Variants in CDKL1 observed in about 807,000 individuals in gnomAD.
CDKL1 encodes cyclin dependent kinase like 1, also known as cyclin-dependent kinase-like 1.
CDKL1 carries 41 observed loss-of-function variants against 42.0 expected under a neutral mutation model. The observed-to-expected ratio is 0.98, with a 90% CI of 0.76 to 1.27. The LOEUF (loss-of-function observed/expected upper bound fraction) is 1.27, where lower values mean the gene tolerates loss of function less well. Among genes scored for constraint, CDKL1 ranks in the 50% most tolerant of loss-of-function variants. CDKL1 has a pLI of 0.00. For synonymous variants in CDKL1, 153 were observed against 158.6 expected, an observed-to-expected ratio of 0.96 and a Z score of 0.26; for missense variants, 394 against 428.4, an observed-to-expected ratio of 0.92 and a Z score of 0.71.
chr14:50,387,385 T>C (rs1317113595), intron 2 of CDKL1, among the ~76,000 whole-genome samples: 1 of 151,844 alleles, frequency 6.6e-6, no homozygotes, highest in Non-Finnish European at 1.5e-5. Flanking sequence ...TAGTTAGGCA[T>C]GGTAGTGGGC....
At chr14:50,352,704 G>A (rs766985210) in intron 3 of CDKL1, among the ~76,000 whole-genome samples, 6 of 152,136 alleles carry the variant, frequency 3.9e-5, no homozygotes, top group East Asian at 1.9e-4. Context: ...GTGGTGCTTC[G>A]TTTGGAAAAG....
chr14:50,366,062 G>A (rs2034429640), intron 2 of CDKL1, among the ~76,000 whole-genome samples: 1 of 152,162 alleles, frequency 6.6e-6, no homozygotes, highest in African/African-American at 2.4e-5. Context: ...TTGTGATCAT[G>A]TGAGCCAATT....
intron 4 of CDKL1, chr14:50,343,151 G>A (rs1595281754): frequency 1.4e-5 from 4 of 276,238 alleles, no homozygotes; most frequent in Non-Finnish European, 2.3e-5. Context: ...CTAATTAAGA[G>A]TTACTTTTTT....
chr14:50,389,968 C>T (rs912483920), intron 2 of CDKL1, among the ~76,000 whole-genome samples: 18 of 152,152 alleles, frequency 1.2e-4, no homozygotes, highest in Non-Finnish European at 1.3e-4. Flanking sequence ...ATTAACCATA[C>T]TGAATCCATT....
upstream of CDKL1, chr14:50,397,149 G>T (rs772842413): frequency 2.9e-6 from 4 of 1,366,048 alleles, no homozygotes; most frequent in East Asian, 1.8e-4. Context: ...CGCGTCTGCG[G>T]AGCAAGACGC....
chr14:50,392,452 A>AAAT (rs56882058), intron 2 of CDKL1, among the ~76,000 whole-genome samples: 12,136 of 134,372 alleles, frequency 0.09, 577 homozygotes, highest in Middle Eastern at 0.15. Flanking sequence ...TCCAAAAAAG[A>AAAT]AATAATAATA....
At chr14:50,385,070 CAAAAAAAAAAAAAAAAAAAAAAAAA>C (rs55719234) in intron 2 of CDKL1, among the ~76,000 whole-genome samples, 4 of 93,566 alleles carry the variant, frequency 4.3e-5, no homozygotes, top group Non-Finnish European at 6.1e-5. Context: ...GACTCTGTCT[CAAAAAAAAAAAAAAAAAAAAAAAAA>C]AAAAAAAAAA....
chr14:50,340,375 A>G lies in CDKL1; in HGVS notation c.655+657T>C, dbSNP rs11570842. Among the ~76,000 whole-genome samples the G allele has an allele frequency of 2.3e-3, 353 of 152,310 alleles. 1 individual carries two copies. The Middle Eastern group carries it at 0.065, about 28-fold the overall frequency. ...TCCTACAAGAGTTTAGAGGAGGAAA[A>G]GTTTACCTTAAACTGCGATACTCAG... On this transcript the variant is annotated intron_variant, in intron 6 of 9. Transcript: ENST00000395834.
intron 2 of CDKL1, chr14:50,390,057 T>G: frequency 1.3e-6 from 1 of 751,688 alleles, no homozygotes; most frequent in Admixed American, 1.9e-5. Flanking sequence ...TTGTTATTAG[T>G]GTAATTTGTG....
chr14:50,380,589 G>C (rs114480162), intron 2 of CDKL1, among the ~76,000 whole-genome samples: 18 of 152,268 alleles, frequency 1.2e-4, no homozygotes, highest in Admixed American at 9.2e-4. Context: ...AATCCACAAG[G>C]ACCTTAATTG....
Position 50,332,644 on chromosome 14 carries a change from A to G in CDKL1, c.796-212T>C. 4 of 1,527,454 alleles carry G rather than the reference A, an allele frequency of 2.6e-6. No homozygotes were observed. In the South Asian group the frequency reaches 4.8e-5, roughly 18 times the overall value. 94.6% of individuals were successfully genotyped at this position (1,527,454 alleles called of 1,614,324 possible). ...ATAGTTTCTAGAAGTAGTAATGAAA[A>G]ATCATTTTCTCCACCTTATTCTGTT... On this transcript the variant is annotated intron_variant, in intron 8 of 9. Transcript: ENST00000395834.
At chr14:50,332,867 C>T in intron 8 of CDKL1, 1 of 475,956 alleles carries the variant, frequency 2.1e-6, no homozygotes. Context: ...GTCTCCACCA[C>T]TGTAGGTGTT....
rs11570793 is a variant in CDKL1 at position 50,380,067 on chromosome 14, A to G, written c.168+15634T>C. 2.0e-4 allele frequency: 95 copies of G among 486,154 alleles called. No homozygotes were observed. In the East Asian group the frequency reaches 5.5e-3, roughly 28 times the overall value. 30.1% of individuals were successfully genotyped at this position (486,154 alleles called of 1,614,324 possible). On this transcript the variant is annotated intron_variant, in intron 2 of 9. Coordinates refer to ENST00000395834, the MANE Select transcript of CDKL1 (RefSeq NM_004196.7). ...AACTTCCTCCACTTGAGAAATGCAA[A>G]ATTGGCATAGGTATGCTTAACAGTC...
In CDKL1 at chr14:50,329,060, T is replaced by TATATATAC. The variant is rs1438708609; in HGVS notation, c.*1013_*1014insGTATATAT. ...GCATATATATATATATATATATATA[T>TATATATAC]ATACATACACATACATACACATACA... On this transcript the variant is annotated 3_prime_UTR_variant, in exon 10 of 10. Transcript: ENST00000395834. 5.6e-5 allele frequency: 7 copies of TATATATAC among 125,798 alleles called. No individual in the cohort carries two copies. The highest frequency in any genetic ancestry group is 2.0e-4 in the African/African-American group (7 of 34,916). 7.8% of individuals were successfully genotyped at this position (125,798 alleles called of 1,614,324 possible). A position where few individuals can be genotyped will look rare whatever the true frequency, so the allele number is the denominator to read the frequency against.
At chr14:50,387,156 A>G (rs925224903) in intron 2 of CDKL1, among the ~76,000 whole-genome samples, 10 of 142,224 alleles carry the variant, frequency 7.0e-5, no homozygotes, top group Non-Finnish European at 1.4e-4. Context: ...GCGGTGAGCC[A>G]TCATTGCCCC....
chr14:50,343,413 G>T (rs376960608), intron 4 of CDKL1, among the ~76,000 whole-genome samples: 1 of 152,040 alleles, frequency 6.6e-6, no homozygotes, highest in Non-Finnish European at 1.5e-5. Flanking sequence ...TTCCCCATGG[G>T]TATTTATTAT....
intron 3 of CDKL1, among the ~76,000 whole-genome samples, chr14:50,356,374 T>C (rs2034057140): frequency 6.6e-6 from 1 of 152,252 alleles, no homozygotes; most frequent in African/African-American, 2.4e-5. Flanking sequence ...AACTCACCTT[T>C]ACTGTGAATG....
chr14:50,342,855 GCT>G (rs1242740406), intron 4 of CDKL1: 1 of 1,232,888 alleles, frequency 8.1e-7, no homozygotes, highest in Non-Finnish European at 1.0e-6. Flanking sequence ...TTCCCTTCCA[GCT>G]CTGACATTCA....
At chr14:50,340,768 T>G (rs1243084309) in intron 6 of CDKL1, among the ~76,000 whole-genome samples, 1 of 152,246 alleles carries the variant, frequency 6.6e-6, no homozygotes, top group Non-Finnish European at 1.5e-5. Flanking sequence ...TTATTGTCAT[T>G]ATTAATGTTT....
Sources: allele counts gnomAD v4.1 joint callset (sites outside exome capture counted in the v4.1 genomes callset), GRCh38; gene constraint gnomAD v4.1.1; transcripts MANE v1.5; gene names NCBI Gene and HGNC (gene_info 2026-07-23, HGNC 2026-07-21).